Variants in STRN3 observed in about 807,000 individuals in gnomAD.
STRN3 encodes the protein striatin-3.
Under a neutral mutation model 95.6 loss-of-function variants are expected in STRN3, and 29 were observed. That is an observed-to-expected ratio of 0.30 (90% CI 0.23 to 0.41). STRN3 has a LOEUF of 0.41. STRN3 is among the 10% of genes least tolerant of loss of function. STRN3 has a pLI of 1.00. For synonymous variants in STRN3, 331 were observed against 357.6 expected, an observed-to-expected ratio of 0.93 and a Z score of 0.84; for missense variants, 890 against 972.1, an observed-to-expected ratio of 0.92 and a Z score of 1.12.
In STRN3 at chr14:31,020,104, C is replaced by T. The variant is rs77949828; in HGVS notation, c.282+5800G>A. ...GCTTCCAACTGGCATGTTCTTTGTA[C>T]AATTAGGTATTCCCGATACTTCAGA... On this transcript the variant is annotated intron_variant, in intron 1 of 17. Transcript: ENST00000357479. Among the ~76,000 whole-genome samples, 578 of 152,204 alleles carry T rather than the reference C, an allele frequency of 3.8e-3. 2 individuals carry two copies. The highest frequency in any genetic ancestry group is 0.013 in the African/African-American group (543 of 41,526).
chr14:30,924,289 T>TTTTTTTTTG (rs1896961812), intron 8 of STRN3, among the ~76,000 whole-genome samples: 1 of 72,318 alleles, frequency 1.4e-5, no homozygotes, highest in Non-Finnish European at 2.8e-5. Context: ...CCTTAAATCT[T>TTTTTTTTTG]TTTTTTTTTT....
intron 7 of STRN3, chr14:30,931,945 TA>T (rs760349292): frequency 6.6e-6 from 1 of 152,292 alleles, no homozygotes; most frequent in Non-Finnish European, 1.5e-5. Context: ...ACTTACTTTT[TA>T]AAAAAATCAG....
At position 30,913,564 on chromosome 14, in the gene STRN3, G is replaced by C; in HGVS notation, c.1334C>G (p.Ala445Gly). The C allele has an allele frequency of 6.2e-7, 1 of 1,613,630 alleles. No homozygotes were observed. Among genetic ancestry groups the C allele is most frequent in the Non-Finnish European group, 8.5e-7 (1 of 1,179,726 alleles). ...LLSVLGLGDLADLTVTNDADY... is the reference protein window; with the variant it reads ...LLSVLGLGDLGDLTVTNDADY... ...TGCATCATTTGTTACCGTCAAGTCTGCAAGGTCTCCAAGGCCCAGTACACT... is the reference window on the plus strand; with the variant it reads ...TGCATCATTTGTTACCGTCAAGTCTCCAAGGTCTCCAAGGCCCAGTACACT... Residue 445 changes from alanine (A) to glycine (G), a missense_variant, in exon 10 of 18, where the codon GCA (alanine) becomes GGA (glycine). Transcript: ENST00000357479.
At position 31,018,739 on chromosome 14, in the gene STRN3, C is replaced by T. The variant is rs1489097852; in HGVS notation, c.282+7165G>A. On this transcript the variant is annotated intron_variant, in intron 1 of 17. Coordinates refer to ENST00000357479, the MANE Select transcript of STRN3 (RefSeq NM_001083893.2). Reference sequence around the variant, plus strand: ...AAGCGTAAAATGCGAAGATGAGGGCCATGGTGCTCCGAACTTGCTCAAATC... The same window carrying T: ...AAGCGTAAAATGCGAAGATGAGGGCTATGGTGCTCCGAACTTGCTCAAATC... The T allele has an allele frequency of 1.1e-5, 5 of 468,966 alleles. No homozygotes were observed. In the Admixed American group the frequency reaches 1.2e-4, roughly 11 times the overall value. 29.1% of individuals were successfully genotyped at this position (468,966 alleles called of 1,614,324 possible).
rs906487120 is a variant in STRN3 at position 30,911,103 on chromosome 14, A to G, written c.1658T>C (p.Ile553Thr). 1 of 1,614,162 alleles carries G rather than the reference A, an allele frequency of 6.2e-7. No homozygotes were observed. The highest frequency in any genetic ancestry group is 8.5e-7 in the Non-Finnish European group (1 of 1,180,024). ...SNGEQCFSGG[I>T]DATIQWWNMP... is the part of the protein sequence containing the mutation. Reference sequence around the variant, plus strand: ...ATTCCACCACTGGATGGTTGCATCAATACCACCACTAAAACACTGTTCTCC... The same window carrying G: ...ATTCCACCACTGGATGGTTGCATCAGTACCACCACTAAAACACTGTTCTCC... Residue 553 changes from isoleucine to threonine, a missense_variant, in exon 13 of 18, where the codon ATT becomes ACT. Coordinates refer to ENST00000357479, the MANE Select transcript of STRN3 (RefSeq NM_001083893.2).
intron 1 of STRN3, among the ~76,000 whole-genome samples, chr14:31,002,878 G>GA (rs1230602840): frequency 6.6e-6 from 1 of 152,124 alleles, no homozygotes. Context: ...TATAGCTTCA[G>GA]TTTTGCAAGA....
chr14:30,983,034 T>C lies in STRN3; in HGVS notation c.283-26792A>G, dbSNP rs978724989. Among the ~76,000 whole-genome samples, 3 of 152,248 alleles carry C rather than the reference T, an allele frequency of 2.0e-5. No homozygotes were observed. The East Asian group carries it at 5.8e-4, about 29-fold the overall frequency. ...TCCATAAAATTAGAAATTTTTTGTC[T>C]TTTGTTCACTGATATATTCTTACTA... is the stretch of plus-strand genomic sequence containing the variant. On this transcript the variant is annotated intron_variant, in intron 1 of 17. Transcript: ENST00000357479.
intron 8 of STRN3, among the ~76,000 whole-genome samples, chr14:30,928,006 A>T (rs1218891813): frequency 2.0e-5 from 3 of 152,040 alleles, no homozygotes; most frequent in Non-Finnish European, 4.4e-5. Flanking sequence ...ATAGTCAATC[A>T]TGCAAATGTA....
intron 1 of STRN3, among the ~76,000 whole-genome samples, chr14:31,001,862 T>C (rs941660098): frequency 6.6e-6 from 1 of 151,664 alleles, no homozygotes; most frequent in African/African-American, 2.4e-5. Flanking sequence ...AAACCCCGTC[T>C]CTGCTAAAAA....
At chr14:30,895,839 T>A (rs1896131581) in intron 16 of STRN3, 91 bp from the exon 17 acceptor site, 26 of 1,102,400 alleles carry the variant, frequency 2.4e-5, no homozygotes, top group Non-Finnish European at 3.3e-5. Flanking sequence ...CATAAAACAA[T>A]CATTATAGCA....
intron 1 of STRN3, among the ~76,000 whole-genome samples, chr14:31,021,360 C>T (rs1007372017): frequency 2.6e-5 from 4 of 151,782 alleles, no homozygotes; most frequent in African/African-American, 7.3e-5. Context: ...CTTTGGGCCT[C>T]GATATGCCAG....
chr14:30,931,365 G>C (rs1421457107), intron 7 of STRN3, among the ~76,000 whole-genome samples: 4 of 152,018 alleles, frequency 2.6e-5, no homozygotes, highest in African/African-American at 9.7e-5. Context: ...AAATGACGTT[G>C]AATCATTTAC....
intron 10 of STRN3, among the ~76,000 whole-genome samples, chr14:30,912,581 G>A (rs906147853): frequency 1.3e-5 from 2 of 152,112 alleles, no homozygotes; most frequent in African/African-American, 2.4e-5. Context: ...TTTAGAAAAC[G>A]TATTAGCATG....
intron 1 of STRN3, among the ~76,000 whole-genome samples, chr14:31,003,346 T>C (rs534559964): frequency 1.3e-5 from 2 of 150,040 alleles, no homozygotes; most frequent in South Asian, 4.2e-4. Context: ...AATTTAAAAA[T>C]TGGAAAAAAA....
chr14:30,932,835 G>T (rs1878609829), intron 7 of STRN3, among the ~76,000 whole-genome samples: 1 of 152,154 alleles, frequency 6.6e-6, no homozygotes, highest in Non-Finnish European at 1.5e-5. Context: ...AAACAGGAAT[G>T]AATATGTGTC....
chr14:30,910,571 T>C (rs966925536), intron 13 of STRN3, among the ~76,000 whole-genome samples: 2 of 151,964 alleles, frequency 1.3e-5, no homozygotes, highest in African/African-American at 4.8e-5. Context: ...GGAGGTTTCC[T>C]TTCTTTTTTT....
intron 8 of STRN3, among the ~76,000 whole-genome samples, chr14:30,920,465 C>T (rs993468417): frequency 2.0e-5 from 3 of 152,134 alleles, no homozygotes; most frequent in African/African-American, 7.2e-5. Context: ...TTCTTTCTCA[C>T]AAAATAGCTC....
At chr14:31,007,505 GT>G (rs1408680379) in intron 1 of STRN3, among the ~76,000 whole-genome samples, 2 of 152,146 alleles carry the variant, frequency 1.3e-5, no homozygotes, top group African/African-American at 4.8e-5. Context: ...CATCTTAAGA[GT>G]TACCTATACT....
At chr14:30,966,287 A>T (rs1250900478) in intron 1 of STRN3, among the ~76,000 whole-genome samples, 2 of 152,208 alleles carry the variant, frequency 1.3e-5, no homozygotes, top group African/African-American at 4.8e-5. Flanking sequence ...TTCCATCTGT[A>T]AGGGTGCACC....
Sources: allele counts gnomAD v4.1 joint callset (sites outside exome capture counted in the v4.1 genomes callset), GRCh38; gene constraint gnomAD v4.1.1; transcripts MANE v1.5; gene names NCBI Gene and HGNC (gene_info 2026-07-23, HGNC 2026-07-21).